The following ARID4B variants were observed in gnomAD, a reference collection of about 807,000 sequenced individuals.
ARID4B encodes AT-rich interaction domain 4B, also known as AT-rich interactive domain-containing protein 4B.
Under a neutral mutation model 147.5 loss-of-function variants are expected in ARID4B, and 26 were observed. The observed-to-expected ratio is 0.18, with a 90% confidence interval of 0.13 to 0.24. The LOEUF is 0.24. ARID4B is among the 10% of genes least tolerant of loss of function. The pLI, the probability that ARID4B is intolerant of heterozygous loss-of-function variation, is 1.00. For synonymous variants in ARID4B, 512 were observed against 507.9 expected, an observed-to-expected ratio of 1.01 and a Z score of -0.11; for missense variants, 1,179 against 1,511.5, an observed-to-expected ratio of 0.78 and a Z score of 3.65.
In ARID4B at chr1:235,253,195, G is replaced by A. The variant is rs75971620; in HGVS notation, c.275-386C>T. Among the ~76,000 whole-genome samples the A allele has an allele frequency of 4.4e-3, 664 of 152,208 alleles. 5 individuals carry two copies. Among genetic ancestry groups the A allele is most frequent in the African/African-American group, 0.015 (636 of 41,532 alleles). ...TACCTAAGAAAGATTACAAGTATAT[G>A]CAATCAGACTGCCCCTTTAAAAAAA... On this transcript the variant is annotated intron_variant, in intron 5 of 23. Transcript: ENST00000264183.
chr1:235,229,194 T>C, intron 11 of ARID4B, 37 bp downstream of exon 11: 2 of 1,592,940 alleles, frequency 1.3e-6, no homozygotes, highest in Non-Finnish European at 8.5e-7. Context: ...CCAACTGTTA[T>C]TTATAATTTT....
intron 11 of ARID4B, 125 bp downstream of exon 11, chr1:235,229,106 G>T: frequency 8.8e-7 from 1 of 1,130,012 alleles, no homozygotes; most frequent in Non-Finnish European, 1.2e-6. Context: ...TCAAATACAA[G>T]ATTATGAAAT....
intron 2 of ARID4B, among the ~76,000 whole-genome samples, chr1:235,296,854 GA>G (rs377176831): frequency 1.7e-3 from 214 of 126,084 alleles, no homozygotes; most frequent in South Asian, 5.3e-3. Context: ...AGGAGGGAGG[GA>G]AGGAAGGGAG....
At chr1:235,310,399 C>T (rs1673965576) in intron 2 of ARID4B, among the ~76,000 whole-genome samples, 1 of 152,072 alleles carries the variant, frequency 6.6e-6, no homozygotes. Context: ...AGTTTACTAA[C>T]AAAAGAACAG....
intron 16 of ARID4B, among the ~76,000 whole-genome samples, chr1:235,215,452 T>G (rs10925128): frequency 0.28 from 41,902 of 151,386 alleles, 7,340 homozygotes; most frequent in South Asian, 0.53. Flanking sequence ...AAATTAATAA[T>G]ATGTAAAATA....
chr1:235,201,879 G>A (rs1665956661), intron 17 of ARID4B, among the ~76,000 whole-genome samples: 1 of 151,784 alleles, frequency 6.6e-6, no homozygotes, highest in Non-Finnish European at 1.5e-5. Context: ...GCAAGACTCT[G>A]TCTCAAAAAA....
At chr1:235,208,533 G>A (rs1387120615) in intron 17 of ARID4B, among the ~76,000 whole-genome samples, 2 of 149,076 alleles carry the variant, frequency 1.3e-5, no homozygotes, top group Admixed American at 6.6e-5. Context: ...ATGGAGTTTC[G>A]CTCTTGTTGC....
chr1:235,182,896 C>CT, intron 19 of ARID4B, 103 bp from the exon 20 acceptor site: 1 of 1,171,936 alleles, frequency 8.5e-7, no homozygotes, highest in Non-Finnish European at 1.2e-6. Flanking sequence ...ATACAGCCAC[C>CT]CGAGGTTGCT....
At chr1:235,234,326 ATAAC>A (rs1668427237) in intron 9 of ARID4B, 83 bp downstream of exon 9, 1 of 846,780 alleles carries the variant, frequency 1.2e-6, no homozygotes. Context: ...GTAATTGGAA[ATAAC>A]TAATTAATCA....
intron 2 of ARID4B, among the ~76,000 whole-genome samples, chr1:235,319,611 A>C (rs1046085063): frequency 5.3e-5 from 8 of 152,154 alleles, no homozygotes; most frequent in African/African-American, 2.4e-5. Context: ...CTCAATGTTC[A>C]CTGCTCACTG....
At chr1:235,234,572 AAAG>A in intron 8 of ARID4B, 80 bp from the exon 9 acceptor site, 1 of 1,024,096 alleles carries the variant, frequency 9.8e-7, no homozygotes, top group Non-Finnish European at 1.4e-6. Context: ...ATCCTTTTAA[AAAG>A]TGTAAGCTTG....
chr1:235,280,121 T>C (rs1011460714), intron 2 of ARID4B, among the ~76,000 whole-genome samples: 5 of 152,164 alleles, frequency 3.3e-5, no homozygotes, highest in Admixed American at 3.3e-4. Context: ...TTCTCTTAAT[T>C]CTATTATGAG....
intron 17 of ARID4B, among the ~76,000 whole-genome samples, chr1:235,209,252 C>T (rs2002143): frequency 0.01 from 1,565 of 152,214 alleles, 25 homozygotes; most frequent in African/African-American, 0.033. Context: ...AGGTGGATCA[C>T]CTGAGGTCAG....
chr1:235,241,780 T>C (rs973442087), intron 7 of ARID4B, among the ~76,000 whole-genome samples: 1 of 151,988 alleles, frequency 6.6e-6, no homozygotes, highest in Admixed American at 6.6e-5. Context: ...CCTCCCAAAG[T>C]GCTGGGATTA....
intron 2 of ARID4B, among the ~76,000 whole-genome samples, chr1:235,301,268 T>C (rs1010561115): frequency 6.6e-6 from 1 of 151,746 alleles, no homozygotes; most frequent in South Asian, 2.1e-4. Context: ...CCCAGTGTGG[T>C]GGCTCACGCC....
At chr1:235,249,698 T>A (rs1434769964) in intron 6 of ARID4B, among the ~76,000 whole-genome samples, 3 of 151,020 alleles carry the variant, frequency 2.0e-5, no homozygotes, top group Non-Finnish European at 4.4e-5. Flanking sequence ...TCCCAGCACT[T>A]TGGGAGGCTG....
chr1:235,232,984 C>A (rs1255647553), intron 9 of ARID4B, among the ~76,000 whole-genome samples: 2 of 151,960 alleles, frequency 1.3e-5, no homozygotes, highest in Non-Finnish European at 1.5e-5. Context: ...ATTACAGGCG[C>A]CCACCACCAT....
intron 2 of ARID4B, among the ~76,000 whole-genome samples, chr1:235,297,610 C>T (rs1261274004): frequency 6.6e-6 from 1 of 152,068 alleles, no homozygotes. Flanking sequence ...ATCAAGCCAA[C>T]ATAATCTAAA....
intron 2 of ARID4B, among the ~76,000 whole-genome samples, chr1:235,282,374 A>G (rs1456316769): frequency 6.6e-6 from 1 of 152,236 alleles, no homozygotes; most frequent in Non-Finnish European, 1.5e-5. Context: ...TTCACAGGAT[A>G]TAATCAACGC....
Sources: gnomAD v4.1 joint callset for allele counts (sites outside exome capture counted in the v4.1 genomes callset) on GRCh38, gnomAD v4.1.1 for gene constraint, MANE v1.5 for transcripts, NCBI Gene and HGNC (gene_info 2026-07-23, HGNC 2026-07-21) for gene names.